CEP128: variants seen among roughly 807,000 people sequenced by gnomAD.
CEP128 encodes centrosomal protein 128kDa.
A neutral mutation model predicts 156.7 loss-of-function variants in CEP128; 132 were observed. That is an observed-to-expected ratio of 0.84 (90% CI 0.73 to 0.97). The LOEUF (loss-of-function observed/expected upper bound fraction) is 0.97. Among genes scored for constraint, CEP128 ranks in the 50% least tolerant of loss-of-function variants. CEP128 has a pLI of 0.00. For missense variants in CEP128, 1,252 were observed against 1,281.9 expected (o/e 0.98, Z 0.36); for synonymous variants, 469 against 448.9 (o/e 1.04, Z -0.57).
At chr14:80,736,867 CT>C (rs1898557940) in intron 19 of CEP128, among the ~76,000 whole-genome samples, 1 of 152,180 alleles carries the variant, frequency 6.6e-6, no homozygotes, top group South Asian at 2.1e-4. Context: ...TATAGCATCC[CT>C]AGGCATATCG....
downstream of CEP128, among the ~76,000 whole-genome samples, chr14:80,491,866 T>A (rs1043076263): frequency 6.6e-6 from 1 of 152,196 alleles, no homozygotes; most frequent in Non-Finnish European, 1.5e-5. Flanking sequence ...AGTTTTTTCC[T>A]TCCAGTAAAC....
At chr14:80,738,108 C>A (rs906896639) in intron 19 of CEP128, among the ~76,000 whole-genome samples, 6 of 152,072 alleles carry the variant, frequency 3.9e-5, no homozygotes, top group African/African-American at 1.2e-4. Flanking sequence ...TAAGACAAAT[C>A]TGAAAAACTG....
chr14:80,764,904 T>C (rs1200978416), intron 16 of CEP128, among the ~76,000 whole-genome samples: 1 of 152,236 alleles, frequency 6.6e-6, no homozygotes, highest in Non-Finnish European at 1.5e-5. Flanking sequence ...AGACACATAG[T>C]GGTCTCCATT....
intron 23 of CEP128, among the ~76,000 whole-genome samples, chr14:80,505,235 T>G (rs1887919166): frequency 6.6e-6 from 1 of 152,236 alleles, no homozygotes; most frequent in Non-Finnish European, 1.5e-5. Flanking sequence ...CAACATGACA[T>G]ATTTCTTTCC....
intron 19 of CEP128, among the ~76,000 whole-genome samples, chr14:80,596,819 C>CAAAAAAAAAAAAAAAAAAA (rs57402112): frequency 7.1e-5 from 1 of 14,050 alleles, no homozygotes; most frequent in African/African-American, 4.4e-4. Flanking sequence ...GACACTGTCA[C>CAAAAAAAAAAAAAAAAAAA]AAAAAAAAAA....
chr14:80,791,890 T>C (rs1448115953), intron 14 of CEP128, among the ~76,000 whole-genome samples: 2 of 152,254 alleles, frequency 1.3e-5, no homozygotes. Flanking sequence ...TAATGCCCTA[T>C]ATTTTGTTTT....
At chr14:80,765,898 C>T (rs532461288) in intron 16 of CEP128, among the ~76,000 whole-genome samples, 1 of 152,190 alleles carries the variant, frequency 6.6e-6, no homozygotes, top group Admixed American at 6.5e-5. Context: ...AAGGCTGAGG[C>T]CTTAACATTA....
At chr14:80,500,453 C>G (rs757318839) in intron 24 of CEP128, among the ~76,000 whole-genome samples, 2 of 152,214 alleles carry the variant, frequency 1.3e-5, no homozygotes, top group Non-Finnish European at 2.9e-5. Flanking sequence ...CAAACCCCAG[C>G]TTTCATGTTC....
chr14:80,574,455 C>A (rs995585597), intron 20 of CEP128, among the ~76,000 whole-genome samples: 1 of 152,156 alleles, frequency 6.6e-6, no homozygotes, highest in Non-Finnish European at 1.5e-5. Flanking sequence ...CAGTTTCTCA[C>A]ACGGTTTCCT....
Position 80,556,205 on chromosome 14 carries a change from G to A in CEP128, c.2880+3074C>T, listed in dbSNP as rs1224835671. ...CCAGGAAAATTTACATTAACATTTA[G>A]TGAAGATGGTTAGAGCTTCTGTGAA... On this transcript the variant is annotated intron_variant, in intron 21 of 24. Coordinates refer to ENST00000555265, the MANE Select transcript of CEP128 (RefSeq NM_152446.5). Among the ~76,000 whole-genome samples, 4 of 152,060 alleles carry A rather than the reference G, an allele frequency of 2.6e-5. No homozygotes were observed. In the East Asian group the frequency reaches 7.7e-4, roughly 29 times the overall value.
chr14:80,888,345 C>T (rs1888913679), intron 8 of CEP128, among the ~76,000 whole-genome samples: 1 of 152,166 alleles, frequency 6.6e-6, no homozygotes, highest in South Asian at 2.1e-4. Context: ...AATTTCAGGC[C>T]AATATCCCTG....
chr14:80,557,848 GA>G (rs912128900), intron 21 of CEP128, among the ~76,000 whole-genome samples: 33 of 149,030 alleles, frequency 2.2e-4, no homozygotes, highest in African/African-American at 5.7e-4. Flanking sequence ...AATATAAAAA[GA>G]AAAAAAAATC....
intron 5 of CEP128, 198 bp downstream of exon 5, chr14:80,905,755 GAA>G (rs60483596): frequency 4.1e-4 from 161 of 391,844 alleles, no homozygotes; most frequent in African/African-American, 9.2e-4. Flanking sequence ...CAGAGTTTGA[GAA>G]AAAAAAAAAA....
At chr14:80,836,119 A>G in intron 12 of CEP128, 86 bp downstream of exon 12, 1 of 1,266,982 alleles carries the variant, frequency 7.9e-7, no homozygotes, top group Non-Finnish European at 1.1e-6. Flanking sequence ...AAGGAATGCA[A>G]TTCTGAGGAT....
chr14:80,834,585 T>C (rs1885977531), intron 12 of CEP128, among the ~76,000 whole-genome samples: 2 of 152,164 alleles, frequency 1.3e-5, no homozygotes, highest in South Asian at 4.1e-4. Flanking sequence ...ATCACATATA[T>C]AAAAAAACTT....
intron 19 of CEP128, among the ~76,000 whole-genome samples, chr14:80,735,940 T>TA (rs1898505649): frequency 6.6e-6 from 1 of 152,148 alleles, no homozygotes; most frequent in Non-Finnish European, 1.5e-5. Flanking sequence ...TCCCAGATAA[T>TA]ACAGGATAAT....
intron 21 of CEP128, among the ~76,000 whole-genome samples, chr14:80,552,989 C>T (rs1345053046): frequency 1.3e-5 from 2 of 151,884 alleles, no homozygotes; most frequent in African/African-American, 2.4e-5. Flanking sequence ...AAATCTCCTT[C>T]GGTTCCAGGG....
rs547960278 is a variant in CEP128 at position 80,873,516 on chromosome 14, C to G, written c.646-10643G>C. Among the ~76,000 whole-genome samples the G allele has an allele frequency of 9.9e-5, 15 of 152,242 alleles. No individual in the cohort carries two copies. The South Asian group carries it at 1.7e-3, about 17-fold the overall frequency. On this transcript the variant is annotated intron_variant, in intron 8 of 24. Transcript: ENST00000555265. ...GTAATGTGCACTATGCAAATTGGTACTATTAAACCCCAAATTGAAACCATC... is the reference window on the plus strand; with the variant it reads ...GTAATGTGCACTATGCAAATTGGTAGTATTAAACCCCAAATTGAAACCATC...
rs147305381 is a variant in CEP128 at position 80,955,731 on chromosome 14, G to A, written c.-172+2447C>T. 4.2e-5 allele frequency: 68 copies of A among 1,614,160 alleles called. No homozygotes were observed. The African/African-American group carries it at 7.7e-4, about 18-fold the overall frequency. ...TGGTGCTGCTGCTCGACCTGCCCAG[G>A]GACCTGGGCGGAATGGGGTGTTCGT... On this transcript the variant is annotated intron_variant, in intron 2 of 7. Coordinates refer to the CEP128 transcript ENST00000555529.
Sources: allele counts gnomAD v4.1 joint callset (sites outside exome capture counted in the v4.1 genomes callset), GRCh38; gene constraint gnomAD v4.1.1; transcripts MANE v1.5; gene names NCBI Gene and HGNC (gene_info 2026-07-23, HGNC 2026-07-21).